The following SKAP1 variants were observed in gnomAD, a reference collection of about 807,000 sequenced individuals.
The protein encoded by SKAP1 is src kinase associated phosphoprotein 1.
In SKAP1, 44 loss-of-function variants were observed where a neutral mutation model predicts 58.5. The ratio of observed to expected loss-of-function variants is 0.75; its 90% confidence interval spans 0.59 to 0.97. The LOEUF is 0.97. Among genes scored for constraint, SKAP1 ranks in the 50% least tolerant of loss-of-function variants. SKAP1 has a pLI of 0.00. For synonymous variants in SKAP1, 127 were observed against 149.7 expected (o/e 0.85, Z 1.11); for missense variants, 390 against 435.2 (o/e 0.90, Z 0.92).
upstream of SKAP1, among the ~76,000 whole-genome samples, chr17:48,435,192 ACTC>A (rs1350423085): frequency 6.9e-6 from 1 of 145,820 alleles, no homozygotes; most frequent in African/African-American, 2.5e-5. Context: ...CTTATCTATC[ACTC>A]CTCTTATTAT....
intron 4 of SKAP1, among the ~76,000 whole-genome samples, chr17:48,210,883 G>A (rs571302224): frequency 1.2e-4 from 18 of 152,022 alleles, no homozygotes; most frequent in South Asian, 2.1e-4. Flanking sequence ...GTTTGTCCTC[G>A]GCTACCCTCC....
At chr17:48,157,208 G>C (rs1278895405) in intron 11 of SKAP1, among the ~76,000 whole-genome samples, 1 of 151,428 alleles carries the variant, frequency 6.6e-6, no homozygotes, top group Non-Finnish European at 1.5e-5. Flanking sequence ...CAGGACAGGT[G>C]ATGGGCACTT....
intron 2 of SKAP1, among the ~76,000 whole-genome samples, chr17:48,368,520 A>G (rs2067039504): frequency 6.6e-6 from 1 of 152,220 alleles, no homozygotes. Flanking sequence ...TGAGAATTTC[A>G]TATCAGGCCT....
intron 2 of SKAP1, among the ~76,000 whole-genome samples, chr17:48,394,938 A>G (rs1163541097): frequency 6.6e-6 from 1 of 152,196 alleles, no homozygotes; most frequent in Non-Finnish European, 1.5e-5. Context: ...TGATCTGATA[A>G]TTATGAAATT....
chr17:48,272,352 G>C (rs980718480), intron 4 of SKAP1, among the ~76,000 whole-genome samples: 1 of 151,656 alleles, frequency 6.6e-6, no homozygotes, highest in Non-Finnish European at 1.5e-5. Flanking sequence ...GGCTGCTCTC[G>C]AACTCCTGAC....
At chr17:48,167,138 T>C (rs972411352) in intron 10 of SKAP1, among the ~76,000 whole-genome samples, 1 of 152,212 alleles carries the variant, frequency 6.6e-6, no homozygotes, top group African/African-American at 2.4e-5. Context: ...AGTGCTGGAA[T>C]TACAGATGTG....
At chr17:48,389,724 T>C (rs1353411738) in intron 2 of SKAP1, among the ~76,000 whole-genome samples, 1 of 152,064 alleles carries the variant, frequency 6.6e-6, no homozygotes, top group Non-Finnish European at 1.5e-5. Context: ...GGCTACACAC[T>C]AGGAGAGAAG....
intron 1 of SKAP1, among the ~76,000 whole-genome samples, chr17:48,426,571 T>C (rs934201298): frequency 1.3e-5 from 2 of 152,376 alleles, no homozygotes; most frequent in South Asian, 2.1e-4. Flanking sequence ...ACTTCATTGT[T>C]TTTGTTTTCG....
chr17:48,156,125 G>A (rs2063973627), intron 11 of SKAP1, among the ~76,000 whole-genome samples: 1 of 152,156 alleles, frequency 6.6e-6, no homozygotes, highest in Non-Finnish European at 1.5e-5. Flanking sequence ...AGCAGCAGCC[G>A]GCGTGTATTT....
rs575497592 is a variant in SKAP1 at position 48,396,019 on chromosome 17, A to C, written c.152+661T>G. Among the ~76,000 whole-genome samples, 18 of 152,298 alleles carry C rather than the reference A, an allele frequency of 1.2e-4. No individual in the cohort carries two copies. The South Asian group carries it at 3.5e-3, about 30-fold the overall frequency. On this transcript the variant is annotated intron_variant, in intron 2 of 12. Coordinates refer to ENST00000336915, the MANE Select transcript of SKAP1 (RefSeq NM_003726.4). ...CCAGGTTTGAAAAGGCTAAAGGAAC[A>C]CTCACTTATCCCTTGTTCTCATTCA...
At position 48,165,026 on chromosome 17, in the gene SKAP1, C is replaced by T. The variant is rs563998202; in HGVS notation, c.878-2457G>A. 8.5e-5 allele frequency among the ~76,000 whole-genome samples: 13 copies of T among 152,378 alleles called. No homozygotes were observed. In the East Asian group the frequency reaches 1.5e-3, roughly 18 times the overall value. ...TACTGGGAATCCCACATTGGCCACA[C>T]ATGAGCCCTCCTCTCAAGGGTACCT... is the stretch of plus-strand genomic sequence containing the variant. On this transcript the variant is annotated intron_variant, in intron 10 of 12. Transcript: ENST00000336915.
chr17:48,369,813 A>G (rs2067060231), intron 2 of SKAP1, among the ~76,000 whole-genome samples: 2 of 152,344 alleles, frequency 1.3e-5, no homozygotes, highest in South Asian at 4.1e-4. Context: ...TCCACCACCA[A>G]CAATCAGTTT....
At chr17:48,358,219 A>G (rs1250029681) in intron 3 of SKAP1, among the ~76,000 whole-genome samples, 1 of 152,234 alleles carries the variant, frequency 6.6e-6, no homozygotes, top group Non-Finnish European at 1.5e-5. Flanking sequence ...TTCTTTGTAT[A>G]AATCCTACTT....
intron 11 of SKAP1, among the ~76,000 whole-genome samples, chr17:48,154,111 A>C (rs2063939410): frequency 1.3e-5 from 2 of 152,168 alleles, no homozygotes; most frequent in Non-Finnish European, 2.9e-5. Context: ...TAGCCCATTG[A>C]GGAAGTAGGT....
intron 4 of SKAP1, among the ~76,000 whole-genome samples, chr17:48,223,929 T>C (rs1567827258): frequency 1.3e-5 from 2 of 150,014 alleles, no homozygotes; most frequent in African/African-American, 4.9e-5. Flanking sequence ...GGTACCAAAA[T>C]AAAAACCTAC....
Position 48,363,863 on chromosome 17 carries a change from C to T in SKAP1, c.153-49G>A. 2.6e-6 allele frequency: 4 copies of T among 1,567,742 alleles called. No individual in the cohort carries two copies. In the African/African-American group the frequency reaches 5.4e-5, roughly 21 times the overall value. On this transcript the variant is annotated intron_variant, in intron 2 of 12. Transcript: ENST00000336915. ...AAGGGAATAAGTCAAACTTGTATTT[C>T]TCAATTTTGGTTGGCCTACCATAGC...
chr17:48,140,117 C>T (rs913068002), intron 11 of SKAP1, among the ~76,000 whole-genome samples: 1 of 151,920 alleles, frequency 6.6e-6, no homozygotes, highest in Non-Finnish European at 1.5e-5. Context: ...ACTCACTGCT[C>T]CAACTTCCTT....
intron 4 of SKAP1, among the ~76,000 whole-genome samples, chr17:48,337,676 C>G (rs984466378): frequency 6.6e-6 from 1 of 152,132 alleles, no homozygotes; most frequent in Non-Finnish European, 1.5e-5. Context: ...ATTTATGGAG[C>G]CTTTTTGAAA....
intron 2 of SKAP1, among the ~76,000 whole-genome samples, chr17:48,379,212 G>T (rs769128000): frequency 6.6e-6 from 1 of 152,104 alleles, no homozygotes; most frequent in Non-Finnish European, 1.5e-5. Context: ...CAAAAGACAC[G>T]ACTGAATACA....
Sources: allele counts gnomAD v4.1 joint callset (sites outside exome capture counted in the v4.1 genomes callset), GRCh38; gene constraint gnomAD v4.1.1; transcripts MANE v1.5; gene names NCBI Gene and HGNC (gene_info 2026-07-23, HGNC 2026-07-21).